The following FSTL5 variants were observed in gnomAD, a reference collection of about 807,000 sequenced individuals.
FSTL5 encodes follistatin-related protein 5.
FSTL5 carries 62 observed loss-of-function variants against 89.1 expected under a neutral mutation model. The ratio of observed to expected loss-of-function variants is 0.70; its 90% CI spans 0.57 to 0.86. The LOEUF (loss-of-function observed/expected upper bound fraction) is 0.86. FSTL5 is among the 40% of genes least tolerant of loss of function. FSTL5 has a pLI of 0.00. For synonymous variants in FSTL5, 383 were observed against 346.2 expected (o/e 1.11, Z -1.18); for missense variants, 1,057 against 1,001.6 (o/e 1.06, Z -0.75).
intron 7 of FSTL5, among the ~76,000 whole-genome samples, chr4:161,621,974 C>T (rs919586787): frequency 5.3e-5 from 8 of 151,314 alleles, no homozygotes; most frequent in East Asian, 3.9e-4. Flanking sequence ...TCCAGCCTGG[C>T]AACAAGCACG....
At chr4:162,039,139 A>C (rs563670754) in intron 2 of FSTL5, among the ~76,000 whole-genome samples, 1 of 151,984 alleles carries the variant, frequency 6.6e-6, no homozygotes, top group South Asian at 2.1e-4. Context: ...GGTCTCCTAA[A>C]GAGTTAAACT....
At chr4:161,406,258 T>C (rs1455280962) in intron 15 of FSTL5, among the ~76,000 whole-genome samples, 1 of 149,996 alleles carries the variant, frequency 6.7e-6, no homozygotes, top group Non-Finnish European at 1.5e-5. Context: ...AAACTTCCTT[T>C]TGATTTTTTC....
intron 13 of FSTL5, among the ~76,000 whole-genome samples, chr4:161,470,512 C>A (rs1015744068): frequency 6.6e-6 from 1 of 151,926 alleles, no homozygotes; most frequent in African/African-American, 2.4e-5. Context: ...AGTTTTGACA[C>A]AAGAAAATGA....
chr4:161,875,547 G>A (rs1732414522), intron 4 of FSTL5, among the ~76,000 whole-genome samples: 1 of 152,104 alleles, frequency 6.6e-6, no homozygotes, highest in South Asian at 2.1e-4. Flanking sequence ...GGGAGTATTT[G>A]AACCCAAGGA....
At chr4:161,640,508 T>C (rs1021067089) in intron 7 of FSTL5, among the ~76,000 whole-genome samples, 1 of 152,122 alleles carries the variant, frequency 6.6e-6, no homozygotes, top group African/African-American at 2.4e-5. Flanking sequence ...GCTGAAAATA[T>C]AGCAACTAAA....
intron 7 of FSTL5, among the ~76,000 whole-genome samples, chr4:161,629,596 C>T (rs942359261): frequency 8.5e-5 from 13 of 152,072 alleles, no homozygotes; most frequent in Non-Finnish European, 1.5e-4. Flanking sequence ...CCACCCGCCT[C>T]GGCCTCTGAA....
intron 13 of FSTL5, among the ~76,000 whole-genome samples, chr4:161,475,378 A>C (rs1227518814): frequency 6.6e-6 from 1 of 152,066 alleles, no homozygotes; most frequent in Non-Finnish European, 1.5e-5. Context: ...GGACTGCCGC[A>C]GTGCATATGT....
rs1180024495 is a variant in FSTL5 at position 162,158,986 on chromosome 4, T to C, written c.-17+4629A>G. On this transcript the variant is annotated intron_variant, in intron 1 of 15. Transcript: ENST00000306100. The stretch of plus-strand genomic sequence containing the variant: ...TATGAAGAGCCAGATTCCATAATCC[T>C]AAGTGAGGCAGCTCAGAGTCTGATT... Among the ~76,000 whole-genome samples, 4 of 152,048 alleles carry C rather than the reference T, an allele frequency of 2.6e-5. No homozygotes were observed. The East Asian group carries it at 7.7e-4, about 29-fold the overall frequency.
chr4:161,416,478 G>A (rs1228368180), intron 15 of FSTL5, among the ~76,000 whole-genome samples: 1 of 152,064 alleles, frequency 6.6e-6, no homozygotes, highest in East Asian at 1.9e-4. Flanking sequence ...CTGTCATCAT[G>A]AGAGCTTCAG....
intron 3 of FSTL5, among the ~76,000 whole-genome samples, chr4:161,995,707 C>A (rs1273692363): frequency 6.6e-6 from 1 of 151,210 alleles, no homozygotes; most frequent in African/African-American, 2.4e-5. Context: ...AATTTCTGTT[C>A]TCCAACTATG....
At chr4:161,839,724 T>A (rs533447576) in intron 4 of FSTL5, among the ~76,000 whole-genome samples, 5 of 152,306 alleles carry the variant, frequency 3.3e-5, no homozygotes, top group Non-Finnish European at 5.9e-5. Flanking sequence ...AGGCTTCACT[T>A]AAAAAGGGAA....
In FSTL5 at chr4:162,079,325, T is replaced by C. The variant is rs144901047; in HGVS notation, c.126+31946A>G. On this transcript the variant is annotated intron_variant, in intron 2 of 15. Transcript: ENST00000306100. The stretch of plus-strand genomic sequence containing the variant: ...TACATGTCTATTTCTGGGCATATCA[T>C]TATGGAAACATGACTTCTGGAGATA... Among the ~76,000 whole-genome samples the C allele has an allele frequency of 1.1e-3, 174 of 151,742 alleles. 4 individuals are homozygous for C. In the East Asian group the frequency reaches 0.031, roughly 27 times the overall value.
intron 3 of FSTL5, among the ~76,000 whole-genome samples, chr4:161,931,079 C>T (rs866391635): frequency 1.3e-5 from 2 of 151,722 alleles, no homozygotes; most frequent in African/African-American, 2.4e-5. Context: ...ACAATAGATG[C>T]GTAAAAGGAT....
chr4:161,566,577 T>C (rs1424196040), intron 8 of FSTL5, among the ~76,000 whole-genome samples: 1 of 152,054 alleles, frequency 6.6e-6, no homozygotes, highest in Admixed American at 6.6e-5. Context: ...CCACCAGCAG[T>C]TCGTAAGTAT....
chr4:161,773,665 A>T (rs1022492928), intron 5 of FSTL5, among the ~76,000 whole-genome samples: 5 of 152,158 alleles, frequency 3.3e-5, no homozygotes, highest in Non-Finnish European at 7.4e-5. Flanking sequence ...TCCTGCAAAA[A>T]TGGCCATAAT....
chr4:161,579,601 C>T (rs1733353673), intron 8 of FSTL5, among the ~76,000 whole-genome samples: 1 of 151,930 alleles, frequency 6.6e-6, no homozygotes, highest in Non-Finnish European at 1.5e-5. Flanking sequence ...CCTGTGATTG[C>T]AGCTACTTGG....
intron 2 of FSTL5, among the ~76,000 whole-genome samples, chr4:162,074,234 C>G (rs1561004591): frequency 6.6e-6 from 1 of 151,680 alleles, no homozygotes; most frequent in Non-Finnish European, 1.5e-5. Context: ...AAAATTTTTA[C>G]TGTTAGCTAC....
Position 161,542,700 on chromosome 4 carries a change from GA to G in FSTL5, c.1016-8del. 5 of 1,419,286 alleles carry G rather than the reference GA, an allele frequency of 3.5e-6. No homozygotes were observed. Among genetic ancestry groups the G allele is most frequent in the South Asian group, 3.5e-5 (2 of 57,074 alleles). The allele number at this position is 1,419,286 out of a possible 1,614,324, so 87.9% of individuals were successfully genotyped here. A position where few individuals can be genotyped will look rare whatever the true frequency, so the allele number is the denominator to read the frequency against. On this transcript the variant is annotated splice_region_variant and splice_polypyrimidine_tract_variant and intron_variant, in intron 8 of 15. Transcript: ENST00000306100. ...ACCCGGATGACTGGAGGAACTAAAG[GA>G]AAAAATGAAAGAGAAAGTGAATTAG...
chr4:161,847,178 C>T (rs936570149), intron 4 of FSTL5, among the ~76,000 whole-genome samples: 12 of 152,006 alleles, frequency 7.9e-5, no homozygotes, highest in African/African-American at 2.9e-4. Context: ...TAGAAAACAT[C>T]AATATCAGGG....
Sources: allele counts gnomAD v4.1 joint callset (sites outside exome capture counted in the v4.1 genomes callset), GRCh38; gene constraint gnomAD v4.1.1; transcripts MANE v1.5; gene names NCBI Gene and HGNC (gene_info 2026-07-23, HGNC 2026-07-21).